Variants in ST3GAL6 observed in about 807,000 individuals in gnomAD.
The protein encoded by ST3GAL6 is type 2 lactosamine alpha-2,3-sialyltransferase.
Under a neutral mutation model 40.5 loss-of-function variants are expected in ST3GAL6, and 31 were observed. The observed-to-expected ratio is 0.77, with a 90% CI of 0.58 to 1.03. The LOEUF (loss-of-function observed/expected upper bound fraction) is 1.03, where lower values mean the gene tolerates loss of function less well. Ranked by LOEUF, ST3GAL6 falls within the 50% of genes least tolerant of loss-of-function variation. The probability of loss-of-function intolerance (pLI) is 0.00; values close to 1 mark genes in which losing one functional copy is unlikely to be tolerated. For missense variants in ST3GAL6, 357 were observed against 393.2 expected (o/e 0.91, Z 0.78); for synonymous variants, 129 against 136.9 (o/e 0.94, Z 0.40).
chr3:98,733,554 A>T, intron 1 of ST3GAL6: 2 of 985,658 alleles, frequency 2.0e-6, no homozygotes, highest in Non-Finnish European at 2.4e-6. Context: ...TAGACCTAAC[A>T]AAACAAGCTC....
intron 1 of ST3GAL6, among the ~76,000 whole-genome samples, chr3:98,764,410 G>T (rs959051278): frequency 6.6e-6 from 1 of 152,284 alleles, no homozygotes; most frequent in South Asian, 2.1e-4. Context: ...TGGGAACAGG[G>T]TTGGGAGTAA....
chr3:98,760,493 T>A (rs1346869441), upstream of ST3GAL6, among the ~76,000 whole-genome samples: 1 of 152,216 alleles, frequency 6.6e-6, no homozygotes, highest in East Asian at 1.9e-4. Context: ...ATTCTCCATA[T>A]CCTAAAGTCG....
intron 5 of ST3GAL6, chr3:98,782,605 A>G (rs1037304487): frequency 1.4e-5 from 7 of 496,180 alleles, no homozygotes; most frequent in Non-Finnish European, 2.2e-5. Flanking sequence ...GGGGTCATCC[A>G]AACCAGTACA....
intron 5 of ST3GAL6, among the ~76,000 whole-genome samples, chr3:98,775,625 A>T (rs1201076443): frequency 6.6e-6 from 1 of 152,172 alleles, no homozygotes; most frequent in Admixed American, 6.5e-5. Flanking sequence ...TTATCTAAGA[A>T]CTAGACTGTG....
intron 5 of ST3GAL6, among the ~76,000 whole-genome samples, chr3:98,781,903 G>A (rs934792739): frequency 9.9e-5 from 15 of 152,168 alleles, no homozygotes; most frequent in Non-Finnish European, 2.2e-4. Context: ...AGTGGAGATG[G>A]AGCCAGCTTT....
chr3:98,741,050 C>CTGTGTG (rs748180004), intron 1 of ST3GAL6, among the ~76,000 whole-genome samples: 1 of 78,842 alleles, frequency 1.3e-5, no homozygotes, highest in Non-Finnish European at 2.6e-5. Flanking sequence ...TAGAGGGATT[C>CTGTGTG]AGTGTGTGTG....
upstream of ST3GAL6, among the ~76,000 whole-genome samples, chr3:98,761,625 A>AG (rs1559734402): frequency 6.6e-6 from 1 of 151,942 alleles, no homozygotes; most frequent in African/African-American, 2.4e-5. Context: ...AAAAAAAAAA[A>AG]AGTAGCCACA....
chr3:98,772,978 T>C, intron 4 of ST3GAL6, 62 bp downstream of exon 4: 1 of 1,027,666 alleles, frequency 9.7e-7, no homozygotes, highest in South Asian at 1.4e-5. Context: ...GAGAATGGCA[T>C]GTTAATATAA....
At chr3:98,749,056 C>T (rs1455375314) in intron 1 of ST3GAL6, among the ~76,000 whole-genome samples, 6 of 152,136 alleles carry the variant, frequency 3.9e-5, no homozygotes, top group Admixed American at 3.3e-4. Context: ...TGTTTTTCTT[C>T]TTCGCTGCTG....
At chr3:98,782,843 T>C in intron 5 of ST3GAL6, 1 of 486,426 alleles carries the variant, frequency 2.1e-6, no homozygotes, top group Non-Finnish European at 4.1e-6. Flanking sequence ...GTCTACCTCT[T>C]TCCTGATTTT....
chr3:98,752,596 C>T (rs922845250), intron 1 of ST3GAL6, among the ~76,000 whole-genome samples: 7 of 152,074 alleles, frequency 4.6e-5, no homozygotes, highest in South Asian at 4.1e-4. Context: ...CTCAGCCTCG[C>T]GAGTAGCTGG....
chr3:98,741,808 A>G (rs1936112645), intron 1 of ST3GAL6, among the ~76,000 whole-genome samples: 1 of 152,232 alleles, frequency 6.6e-6, no homozygotes, highest in African/African-American at 2.4e-5. Flanking sequence ...ATATGATGAA[A>G]ACATTAGTTA....
intron 1 of ST3GAL6, among the ~76,000 whole-genome samples, chr3:98,763,922 A>G (rs1211023226): frequency 1.3e-5 from 2 of 152,266 alleles, no homozygotes; most frequent in South Asian, 2.1e-4. Flanking sequence ...TTAAGCTGCT[A>G]GTCGAGGGCT....
chr3:98,763,048 T>C, upstream of ST3GAL6: 1 of 985,362 alleles, frequency 1.0e-6, no homozygotes, highest in Non-Finnish European at 1.2e-6. Flanking sequence ...AGTAAATGAA[T>C]TGAGGAGGAC....
intron 1 of ST3GAL6, among the ~76,000 whole-genome samples, chr3:98,737,100 G>A (rs568577850): frequency 2.6e-5 from 4 of 152,224 alleles, no homozygotes; most frequent in Admixed American, 2.6e-4. Flanking sequence ...CCAGGCTGGA[G>A]TGCAGTGGCT....
exon 1 of ST3GAL6, chr3:98,732,485 C>T (rs1232815909): frequency 5.2e-6 from 1 of 192,582 alleles, no homozygotes; most frequent in East Asian, 1.3e-4. Flanking sequence ...ATTTTCCGGT[C>T]CCGGCGCCCG....
chr3:98,792,055 G>A (rs1484745484), intron 9 of ST3GAL6, 62 bp downstream of exon 9: 20 of 1,416,824 alleles, frequency 1.4e-5, no homozygotes, highest in Non-Finnish European at 1.9e-5. Context: ...GGGATGGAAA[G>A]CCCATATTTT....
intron 1 of ST3GAL6, chr3:98,732,695 C>T (rs1935127089): frequency 4.6e-6 from 3 of 653,978 alleles, no homozygotes; most frequent in Admixed American, 4.1e-5. Flanking sequence ...TCCGGAGGCG[C>T]TCGGCGCAGT....
rs374127164 is a variant in ST3GAL6, at chr3:98,741,083, T to TGTGTGTGTGTGTGTGA, written c.-12+8552_-12+8553insTGTGTGTGTGTGTGAG. Among the ~76,000 whole-genome samples, 682 of 150,362 alleles carry TGTGTGTGTGTGTGTGA rather than the reference T, an allele frequency of 4.5e-3. 9 individuals carry two copies. The highest frequency in any genetic ancestry group is 0.021 in the South Asian group (98 of 4,718). The stretch of plus-strand genomic sequence containing the variant: ...GTGTGTGTGTGTGTGTGTGTGTGTG[T>TGTGTGTGTGTGTGTGA]GCATGCATGTATGTACATATGCTTT... On this transcript the variant is annotated intron_variant, in intron 1 of 9. Coordinates refer to the ST3GAL6 transcript ENST00000265261.
Sources: allele counts gnomAD v4.1 joint callset (sites outside exome capture counted in the v4.1 genomes callset), GRCh38; gene constraint gnomAD v4.1.1; transcripts MANE v1.5; gene names NCBI Gene and HGNC (gene_info 2026-07-23, HGNC 2026-07-21).